SHF: variants seen among roughly 807,000 people sequenced by gnomAD.
SHF encodes the protein SH2 domain-containing adapter protein F.
Under a neutral mutation model 42.4 loss-of-function variants are expected in SHF, and 30 were observed. The observed-to-expected ratio is 0.71, with a 90% CI of 0.53 to 0.96. SHF has a LOEUF of 0.96. Ranked by LOEUF, SHF falls within the 40% of genes least tolerant of loss-of-function variation. SHF has a pLI of 0.00. For missense variants in SHF, 598 were observed against 634.0 expected, an observed-to-expected ratio of 0.94 and a Z score of 0.61; for synonymous variants, 264 against 269.9, an observed-to-expected ratio of 0.98 and a Z score of 0.21.
At chr15:45,169,653 A>G (rs1897371932) in intron 6 of SHF, among the ~76,000 whole-genome samples, 1 of 152,180 alleles carries the variant, frequency 6.6e-6, no homozygotes, top group South Asian at 2.1e-4. Context: ...CACCTGGGGA[A>G]TTGTCTCTCC....
intron 1 of SHF, among the ~76,000 whole-genome samples, chr15:45,187,245 G>A (rs1007802900): frequency 1.3e-5 from 2 of 152,202 alleles, no homozygotes; most frequent in African/African-American, 2.4e-5. Context: ...TAGGGCAGAG[G>A]GGCAGAGTTT....
intron 6 of SHF, chr15:45,170,677 T>G (rs1416802913): frequency 6.4e-6 from 2 of 310,092 alleles, no homozygotes; most frequent in African/African-American, 4.8e-5. Flanking sequence ...TGAGACAGAG[T>G]CTTGCTGTTG....
At chr15:45,175,664 G>A (rs942844806) in intron 2 of SHF, among the ~76,000 whole-genome samples, 7 of 152,162 alleles carry the variant, frequency 4.6e-5, no homozygotes, top group African/African-American at 1.7e-4. Flanking sequence ...GACAGGAAAA[G>A]GATCCTGCAA....
rs777042052 is a variant in SHF, at chr15:45,178,130, C to T, written c.640+35G>A. ...CAAAGCCTGTTCTGCAGAGCCCAGG[C>T]CTCAGGGAGCACCTCCCCTGCCCCT... is the stretch of plus-strand genomic sequence containing the variant. On this transcript the variant is annotated intron_variant, in intron 2 of 6. Transcript: ENST00000690270. 4 of 1,602,930 alleles carry T rather than the reference C, an allele frequency of 2.5e-6. No individual in the cohort carries two copies. The South Asian group carries it at 4.5e-5, about 18-fold the overall frequency.
chr15:45,197,043 T>C (rs921485605), intron 2 of SHF, among the ~76,000 whole-genome samples: 1 of 152,102 alleles, frequency 6.6e-6, no homozygotes, highest in Non-Finnish European at 1.5e-5. Context: ...TTCTTTTTAG[T>C]GAAAATACAG....
upstream of SHF, chr15:45,188,072 A>T: frequency 2.7e-6 from 1 of 375,278 alleles, no homozygotes; most frequent in Non-Finnish European, 4.2e-6. Context: ...AACAAGGGAG[A>T]GGCGGGGCTC....
chr15:45,198,538 T>C (rs747615552), intron 2 of SHF: 12 of 490,094 alleles, frequency 2.4e-5, no homozygotes, highest in Non-Finnish European at 3.8e-5. Context: ...TGAATTACGA[T>C]TTATATAAAA....
Position 45,172,128 on chromosome 15 carries a change from G to C in SHF, c.1160+19C>G. 2.5e-6 allele frequency: 4 copies of C among 1,613,876 alleles called. No homozygotes were observed. Among genetic ancestry groups the C allele is most frequent in the African/African-American group, 1.3e-5 (1 of 75,018 alleles). On this transcript the variant is annotated intron_variant, in intron 5 of 6. Coordinates refer to ENST00000690270, the MANE Select transcript of SHF (RefSeq NM_001394037.1). ...GGGAGGAGTGGGGAGGGAGTCCCCAGCTGGACACAGACACTCACACCTGGT... is the reference window on the plus strand; with the variant it reads ...GGGAGGAGTGGGGAGGGAGTCCCCACCTGGACACAGACACTCACACCTGGT...
chr15:45,187,655 C>T lies in SHF; in HGVS notation c.297G>A (p.Leu99=). 1 of 1,227,618 alleles carries T rather than the reference C, an allele frequency of 8.1e-7. No individual in the cohort carries two copies. The highest frequency in any genetic ancestry group is 4.2e-5 in the Admixed American group (1 of 23,590). 76.0% of individuals were successfully genotyped at this position (1,227,618 alleles called of 1,614,324 possible). A position where few individuals can be genotyped will look rare whatever the true frequency, so the allele number is the denominator to read the frequency against. The change falls in exon 1 of 7, where the codon CTG becomes CTA. Residue 99 remains leucine (L), a synonymous_variant. Coordinates refer to ENST00000690270, the MANE Select transcript of SHF (RefSeq NM_001394037.1). ...PPPDILAAYR[L]QRERDFEDPY... The stretch of plus-strand genomic sequence containing the variant: ...GGTCTTCGAAGTCGCGCTCCCGCTG[C>T]AGCCTGTAGGCGGCCAGGATGTCCG...
intron 4 of SHF, 52 bp from the exon 5 acceptor site, chr15:45,172,370 G>A: frequency 4.0e-6 from 6 of 1,498,410 alleles, no homozygotes; most frequent in Non-Finnish European, 5.3e-6. Context: ...GGTCCTCAGA[G>A]GTCCCTATTG....
At position 45,171,897 on chromosome 15, in the gene SHF, G is replaced by A; in HGVS notation, c.1266C>T (p.Phe422=). The A allele has an allele frequency of 6.2e-7, 1 of 1,613,410 alleles. No individual in the cohort carries two copies. Residue 422 remains phenylalanine (F), a synonymous_variant, in exon 6 of 7, where the codon TTC becomes TTT. Transcript: ENST00000690270. ...TCCCCACTCACTTGAGGGAGAGGGA[G>A]AAGTCATTCTTGCTGGTCTCACTGT... ...VRNSETSKND[F]SLSLKSSQGF... is the part of the protein sequence containing the mutation.
At chr15:45,199,733 G>A (rs1255170349) in intron 1 of SHF, 2 of 152,136 alleles carry the variant, frequency 1.3e-5, no homozygotes, top group Non-Finnish European at 2.9e-5. Context: ...AAAGAAGACA[G>A]AAGACTTATA....
At chr15:45,187,970 C>T, upstream of SHF, 3 of 1,006,456 alleles carry the variant, frequency 3.0e-6, no homozygotes, top group South Asian at 5.0e-5. Context: ...CCAGACTGAG[C>T]GAGGGGAGCG....
At chr15:45,194,636 G>A (rs1250585442) in intron 2 of SHF, among the ~76,000 whole-genome samples, 2 of 152,052 alleles carry the variant, frequency 1.3e-5, no homozygotes, top group Non-Finnish European at 2.9e-5. Flanking sequence ...ACAGGCGTGA[G>A]CCACTGCGCC....
chr15:45,169,762 G>A (rs1462612868), intron 6 of SHF, among the ~76,000 whole-genome samples: 1 of 152,238 alleles, frequency 6.6e-6, no homozygotes, highest in Non-Finnish European at 1.5e-5. Context: ...ACCTCCTGCA[G>A]AGGGGATGGC....
chr15:45,171,781 T>C, intron 6 of SHF, 102 bp downstream of exon 6: 2 of 1,296,322 alleles, frequency 1.5e-6, no homozygotes, highest in Non-Finnish European at 2.1e-6. Context: ...GGATTGTTCA[T>C]GGGGGATGGG....
chr15:45,200,704 G>T, intron 1 of SHF: 1 of 456,162 alleles, frequency 2.2e-6, no homozygotes, highest in South Asian at 1.5e-5. Flanking sequence ...CACCGTGGAG[G>T]CTGCTCTTGG....
At chr15:45,196,545 G>A (rs1024994637) in intron 2 of SHF, among the ~76,000 whole-genome samples, 1 of 152,058 alleles carries the variant, frequency 6.6e-6, no homozygotes, top group Non-Finnish European at 1.5e-5. Context: ...GCATTTCATC[G>A]AAGCCCCAAG....
intron 1 of SHF, among the ~76,000 whole-genome samples, chr15:45,186,519 G>C (rs1307941476): frequency 6.6e-6 from 1 of 152,238 alleles, no homozygotes; most frequent in African/African-American, 2.4e-5. Context: ...CAGAATTTAG[G>C]GGCCTGGGAT....
Sources: gnomAD v4.1 joint callset for allele counts (sites outside exome capture counted in the v4.1 genomes callset) on GRCh38, gnomAD v4.1.1 for gene constraint, MANE v1.5 for transcripts, NCBI Gene and HGNC (gene_info 2026-07-23, HGNC 2026-07-21) for gene names.